Variants in CDH20 observed in about 807,000 individuals in gnomAD.
CDH20 encodes cadherin 20.
In CDH20, 29 loss-of-function variants were observed where a neutral mutation model predicts 74.2. The observed-to-expected ratio is 0.39, with a 90% CI of 0.29 to 0.53. The LOEUF (loss-of-function observed/expected upper bound fraction) is 0.53, where lower values mean the gene tolerates loss of function less well. CDH20 is among the 20% of genes least tolerant of loss of function. The pLI is 0.69. For missense variants in CDH20, 988 were observed against 1,048.3 expected, an observed-to-expected ratio of 0.94 and a Z score of 0.79; for synonymous variants, 469 against 405.4, an observed-to-expected ratio of 1.16 and a Z score of -1.88.
chr18:61,364,493 G>A (rs1160409189), intron 1 of CDH20, among the ~76,000 whole-genome samples: 1 of 152,130 alleles, frequency 6.6e-6, no homozygotes, highest in African/African-American at 2.4e-5. Context: ...TGTATTTTTA[G>A]TAGAGATGTG....
chr18:61,507,328 T>C lies in CDH20; in HGVS notation c.830-45T>C, dbSNP rs755446234. 10 of 1,566,174 alleles carry C rather than the reference T, an allele frequency of 6.4e-6. No individual in the cohort carries two copies. The East Asian group carries it at 2.3e-4, about 35-fold the overall frequency. Reference sequence around the variant, plus strand: ...TATGATAATGATGAGGCATTTTTTATAGTGACGGATTATCAAGAATGCGTG... The same window carrying C: ...TATGATAATGATGAGGCATTTTTTACAGTGACGGATTATCAAGAATGCGTG... On this transcript the variant is annotated intron_variant, in intron 5 of 11. Coordinates refer to ENST00000262717, the MANE Select transcript of CDH20 (RefSeq NM_031891.4).
At chr18:61,354,672 G>A (rs1910437436) in intron 1 of CDH20, among the ~76,000 whole-genome samples, 1 of 151,988 alleles carries the variant, frequency 6.6e-6, no homozygotes, top group Non-Finnish European at 1.5e-5. Flanking sequence ...CTTCCCTCAT[G>A]CTGTACTGAG....
At position 61,354,130 on chromosome 18, in the gene CDH20, C is replaced by G. The variant is rs1910411269; in HGVS notation, c.-153+20303C>G. Among the ~76,000 whole-genome samples, 5 of 152,256 alleles carry G rather than the reference C, an allele frequency of 3.3e-5. No individual in the cohort carries two copies. In the South Asian group the frequency reaches 1.0e-3, roughly 32 times the overall value. ...AGCCACATTTCCAGGGCACAGCAGC[C>G]ATTCAGGGCTGTTAACTCCCACACT... On this transcript the variant is annotated intron_variant, in intron 1 of 11. Transcript: ENST00000262717.
chr18:61,442,257 A>C (rs1909056443), intron 1 of CDH20, among the ~76,000 whole-genome samples: 1 of 151,508 alleles, frequency 6.6e-6, no homozygotes, highest in South Asian at 2.1e-4. Context: ...AGACTGAGGC[A>C]GGAGGATCTC....
chr18:61,438,306 T>C (rs1395874012), intron 1 of CDH20, among the ~76,000 whole-genome samples: 1 of 152,022 alleles, frequency 6.6e-6, no homozygotes, highest in African/African-American at 2.4e-5. Flanking sequence ...GGTATGTGGG[T>C]GGTGACAGGA....
intron 9 of CDH20, among the ~76,000 whole-genome samples, chr18:61,542,501 A>T (rs1239004058): frequency 6.6e-6 from 1 of 152,194 alleles, no homozygotes; most frequent in Non-Finnish European, 1.5e-5. Context: ...GCCTTAGCTG[A>T]CTTCTCAGAG....
intron 1 of CDH20, among the ~76,000 whole-genome samples, chr18:61,458,246 T>C (rs1012758262): frequency 2.6e-5 from 4 of 152,316 alleles, no homozygotes; most frequent in African/African-American, 9.6e-5. Context: ...TTTATTCTAT[T>C]TCAGAATAGG....
At chr18:61,447,271 G>C (rs1909232512) in intron 1 of CDH20, among the ~76,000 whole-genome samples, 1 of 152,160 alleles carries the variant, frequency 6.6e-6, no homozygotes, top group South Asian at 2.1e-4. Context: ...GGAGATAGTT[G>C]GACATACAGC....
chr18:61,395,540 C>T (rs187564632), intron 1 of CDH20, among the ~76,000 whole-genome samples: 148 of 152,266 alleles, frequency 9.7e-4, no homozygotes, highest in African/African-American at 3.4e-3. Context: ...TCCCTCACAT[C>T]ATCTGAACCA....
chr18:61,498,383 G>A (rs1911244936), intron 2 of CDH20, among the ~76,000 whole-genome samples: 1 of 151,270 alleles, frequency 6.6e-6, no homozygotes. Flanking sequence ...CTGGGTGACA[G>A]GGCGAAACTC....
intron 1 of CDH20, among the ~76,000 whole-genome samples, chr18:61,460,015 T>C (rs1005336789): frequency 1.3e-5 from 2 of 152,192 alleles, no homozygotes; most frequent in African/African-American, 4.8e-5. Flanking sequence ...TTGGAACAAT[T>C]TGACCTTCTT....
chr18:61,372,163 G>C (rs1431108914), intron 1 of CDH20, among the ~76,000 whole-genome samples: 1 of 151,974 alleles, frequency 6.6e-6, no homozygotes, highest in Non-Finnish European at 1.5e-5. Flanking sequence ...TTTCAAATTT[G>C]AAATAATGGG....
intron 1 of CDH20, among the ~76,000 whole-genome samples, chr18:61,458,159 T>A (rs1408269586): frequency 6.6e-6 from 1 of 152,182 alleles, no homozygotes; most frequent in Admixed American, 6.5e-5. Flanking sequence ...TGCCTTCTCA[T>A]TCCCTACAAC....
chr18:61,370,953 TA>T (rs1475222165), intron 1 of CDH20, among the ~76,000 whole-genome samples: 1 of 152,086 alleles, frequency 6.6e-6, no homozygotes, highest in Non-Finnish European at 1.5e-5. Flanking sequence ...AAAGTTAGAC[TA>T]GGCATGTAGC....
intron 1 of CDH20, among the ~76,000 whole-genome samples, chr18:61,350,335 T>G (rs962378240): frequency 6.6e-6 from 1 of 152,188 alleles, no homozygotes; most frequent in African/African-American, 2.4e-5. Context: ...ATTCTCTTCC[T>G]TTTTTCAGGA....
intron 2 of CDH20, among the ~76,000 whole-genome samples, chr18:61,491,540 G>A (rs955594218): frequency 2.0e-5 from 3 of 152,286 alleles, no homozygotes; most frequent in African/African-American, 4.8e-5. Context: ...TCAAACACAG[G>A]TGGGTTCAAA....
At position 61,490,542 on chromosome 18, in the gene CDH20, C is replaced by T. The variant is rs1276581955; in HGVS notation, c.-12C>T. ...ATCATTCTCCTTCATTTTCTGAAAA[C>T]CTGGCAATCCCATGTGGACTTCTGG... On this transcript the variant is annotated 5_prime_UTR_variant, in exon 2 of 12. Transcript: ENST00000262717. 11 of 1,608,286 alleles carry T rather than the reference C, an allele frequency of 6.8e-6. No homozygotes were observed. Among genetic ancestry groups the T allele is most frequent in the African/African-American group, 1.3e-5 (1 of 74,790 alleles).
At chr18:61,539,248 G>C (rs72995650) in intron 9 of CDH20, 103 bp downstream of exon 9, 12 of 1,118,736 alleles carry the variant, frequency 1.1e-5, no homozygotes, top group Non-Finnish European at 1.6e-5. Context: ...CTCCAGAAAC[G>C]AACAGTTCAC....
At chr18:61,408,428 G>C (rs1912398667) in intron 1 of CDH20, among the ~76,000 whole-genome samples, 1 of 152,150 alleles carries the variant, frequency 6.6e-6, no homozygotes. Flanking sequence ...TTTTAGGCTG[G>C]ATGATCTCTG....
Sources: allele counts gnomAD v4.1 joint callset (sites outside exome capture counted in the v4.1 genomes callset), GRCh38; gene constraint gnomAD v4.1.1; transcripts MANE v1.5; gene names NCBI Gene and HGNC (gene_info 2026-07-23, HGNC 2026-07-21).